Variants in GRIA1 observed in about 807,000 individuals in gnomAD.
The protein encoded by GRIA1 is glutamate ionotropic receptor AMPA type subunit 1.
A neutral mutation model predicts 99.2 loss-of-function variants in GRIA1; 31 were observed. The ratio of observed to expected loss-of-function variants is 0.31; its 90% confidence interval spans 0.23 to 0.42. The LOEUF is 0.42. Ranked by LOEUF, GRIA1 falls within the 10% of genes least tolerant of loss-of-function variation. GRIA1 has a pLI of 1.00. For missense variants in GRIA1, 782 were observed against 1,157.5 expected (o/e 0.68, Z 4.71); for synonymous variants, 438 against 432.4 (o/e 1.01, Z -0.16).
intron 13 of GRIA1, among the ~76,000 whole-genome samples, chr5:153,779,332 C>T (rs1012337013): frequency 8.5e-5 from 13 of 152,180 alleles, no homozygotes; most frequent in Admixed American, 3.9e-4. Context: ...TTCCACAGCC[C>T]ACCTTTGTGC....
In GRIA1 at chr5:153,769,979, A is replaced by T. The variant is rs1405063295; in HGVS notation, c.2023-189A>T. 2.6e-5 allele frequency among the ~76,000 whole-genome samples: 4 copies of T among 152,140 alleles called. No individual in the cohort carries two copies. The East Asian group carries it at 7.7e-4, about 29-fold the overall frequency. On this transcript the variant is annotated intron_variant, in intron 12 of 15. Transcript: ENST00000285900. ...ATTCTGTTCATTCTGAATTTGCAAG[A>T]TATTTGTACTTTGGAACCTACTGGT...
chr5:153,585,301 T>C (rs1227748275), intron 2 of GRIA1, among the ~76,000 whole-genome samples: 24 of 11,788 alleles, frequency 2.0e-3, no homozygotes, highest in South Asian at 0.015. Context: ...CTCTCTCTCT[T>C]TTTTTTTTTT....
chr5:153,697,989 G>T (rs896770508), intron 8 of GRIA1, 55 bp from the exon 9 acceptor site: 4 of 924,396 alleles, frequency 4.3e-6, no homozygotes, highest in Non-Finnish European at 7.1e-6. Context: ...CCCAGAGCAG[G>T]CCAGTTCAGA....
chr5:153,654,448 G>A (rs1013109388), intron 4 of GRIA1, among the ~76,000 whole-genome samples: 22 of 152,050 alleles, frequency 1.4e-4, no homozygotes, highest in African/African-American at 5.3e-4. Context: ...AGCTGAATAG[G>A]TTCTTGATAA....
intron 2 of GRIA1, among the ~76,000 whole-genome samples, chr5:153,637,877 C>A (rs1414945962): frequency 6.6e-6 from 1 of 152,330 alleles, no homozygotes; most frequent in Non-Finnish European, 1.5e-5. Context: ...TCGTTATTCC[C>A]TACCTAGCTC....
At chr5:153,703,311 T>C (rs1326754214) in intron 10 of GRIA1, among the ~76,000 whole-genome samples, 1 of 152,220 alleles carries the variant, frequency 6.6e-6, no homozygotes, top group Non-Finnish European at 1.5e-5. Context: ...TCTCAGTGCA[T>C]TGTGGTCATC....
In GRIA1 at chr5:153,811,119, G is replaced by A; in HGVS notation, c.2615G>A (p.Ser872Asn). Residue 872 changes from serine to asparagine, a missense_variant, in exon 16 of 16, where the codon AGT becomes AAT. By Grantham distance (46) the Ser-to-Asn change is conservative. Transcript: ENST00000285900. ...NSGAGASSGG[S>N]GENGRVVSHD... Reference sequence around the variant, plus strand: ...GGGGCAGGAGCCAGCAGCGGCGGCAGTGGAGAGAATGGTCGGGTGGTCAGC... The same window carrying A: ...GGGGCAGGAGCCAGCAGCGGCGGCAATGGAGAGAATGGTCGGGTGGTCAGC... 1.2e-6 allele frequency: 2 copies of A among 1,614,128 alleles called. No individual in the cohort carries two copies. Among genetic ancestry groups the A allele is most frequent in the South Asian group, 1.1e-5 (1 of 91,084 alleles).
intron 2 of GRIA1, among the ~76,000 whole-genome samples, chr5:153,575,387 C>T (rs1762445639): frequency 6.6e-6 from 1 of 152,110 alleles, no homozygotes; most frequent in African/African-American, 2.4e-5. Context: ...ATAACTTGTA[C>T]ACTGTTGTTG....
intron 2 of GRIA1, among the ~76,000 whole-genome samples, chr5:153,597,627 GT>G (rs1465989224): frequency 1.3e-5 from 2 of 152,138 alleles, no homozygotes; most frequent in Non-Finnish European, 2.9e-5. Context: ...ATTAACATTA[GT>G]TTTACCTATT....
At chr5:153,744,293 TAAAGAA>T (rs1440484154) in intron 11 of GRIA1, among the ~76,000 whole-genome samples, 2 of 152,178 alleles carry the variant, frequency 1.3e-5, no homozygotes, top group African/African-American at 2.4e-5. Context: ...TATAATACTT[TAAAGAA>T]AAAAGTTTGT....
chr5:153,515,203 A>G (rs192762918), intron 2 of GRIA1, among the ~76,000 whole-genome samples: 2 of 152,360 alleles, frequency 1.3e-5, no homozygotes, highest in East Asian at 3.9e-4. Flanking sequence ...TATTTACAAT[A>G]GTTAAGATAT....
chr5:153,650,941 T>C (rs1754529244), intron 4 of GRIA1, among the ~76,000 whole-genome samples: 2 of 146,096 alleles, frequency 1.4e-5, no homozygotes, highest in Admixed American at 6.9e-5. Flanking sequence ...TGTCGTGGCA[T>C]GTACCCATAA....
chr5:153,718,407 C>T (rs984472107), intron 11 of GRIA1, among the ~76,000 whole-genome samples: 13 of 151,912 alleles, frequency 8.6e-5, no homozygotes, highest in African/African-American at 2.7e-4. Context: ...ACAAAGGGGT[C>T]GGCGGGGCGA....
chr5:153,765,763 G>T (rs1408104866), intron 12 of GRIA1, among the ~76,000 whole-genome samples: 1 of 152,124 alleles, frequency 6.6e-6, no homozygotes, highest in African/African-American at 2.4e-5. Context: ...TATGAACCAG[G>T]TCCTGTGCTA....
chr5:153,506,791 T>TACTA (rs1165905250), intron 2 of GRIA1, among the ~76,000 whole-genome samples: 1 of 152,192 alleles, frequency 6.6e-6, no homozygotes, highest in Non-Finnish European at 1.5e-5. Flanking sequence ...ACACTGCACT[T>TACTA]ACTAGCTCTT....
At chr5:153,640,948 C>A (rs1365531929) in intron 2 of GRIA1, among the ~76,000 whole-genome samples, 3 of 152,048 alleles carry the variant, frequency 2.0e-5, no homozygotes, top group Non-Finnish European at 4.4e-5. Context: ...TATGGTAATT[C>A]TTTGCATGTC....
intron 15 of GRIA1, among the ~76,000 whole-genome samples, chr5:153,805,838 T>C (rs1216261349): frequency 1.3e-5 from 2 of 152,158 alleles, no homozygotes; most frequent in African/African-American, 2.4e-5. Flanking sequence ...AACATCAGGG[T>C]CTCTTGGAAT....
chr5:153,635,500 A>G (rs1425683513), intron 2 of GRIA1, among the ~76,000 whole-genome samples: 2 of 152,186 alleles, frequency 1.3e-5, no homozygotes, highest in Non-Finnish European at 2.9e-5. Context: ...TGTACTCCCT[A>G]CCAGGGCTCT....
At chr5:153,543,167 G>A (rs1304894058) in intron 2 of GRIA1, among the ~76,000 whole-genome samples, 3 of 152,166 alleles carry the variant, frequency 2.0e-5, no homozygotes, top group African/African-American at 7.2e-5. Context: ...TGGAGGTGGT[G>A]GTGATCCTGG....
Sources: gnomAD v4.1 joint callset for allele counts (sites outside exome capture counted in the v4.1 genomes callset) on GRCh38, gnomAD v4.1.1 for gene constraint, MANE v1.5 for transcripts, NCBI Gene and HGNC (gene_info 2026-07-23, HGNC 2026-07-21) for gene names.